PCDHA6: variants seen among roughly 807,000 people sequenced by gnomAD.
PCDHA6 encodes the protein protocadherin alpha-6.
A neutral mutation model predicts 60.3 loss-of-function variants in PCDHA6; 55 were observed. That is an observed-to-expected ratio of 0.91 (90% CI 0.73 to 1.14). The LOEUF (loss-of-function observed/expected upper bound fraction) is 1.14. Among genes scored for constraint, PCDHA6 ranks in the 50% most tolerant of loss-of-function variants. PCDHA6 has a pLI of 0.00. For synonymous variants in PCDHA6, 652 were observed against 557.9 expected (o/e 1.17, Z -2.38); for missense variants, 1,327 against 1,256.5 (o/e 1.06, Z -0.85).
At chr5:140,842,984 G>C in intron 1 of PCDHA6, 2 of 1,595,034 alleles carry the variant, frequency 1.3e-6, no homozygotes. Flanking sequence ...GCAGGTGTTC[G>C]TGCTGGACGA....
At chr5:140,966,796 G>A (rs1255615650) in intron 1 of PCDHA6, 8 of 1,535,610 alleles carry the variant, frequency 5.2e-6, no homozygotes, top group African/African-American at 1.4e-5. Flanking sequence ...GACCTGCGGC[G>A]ACAGAGCATC....
Position 140,835,816 on chromosome 5 carries a change from C to T in PCDHA6, c.2394+5331C>T, listed in dbSNP as rs1554135300. 2.5e-6 allele frequency: 4 copies of T among 1,612,612 alleles called. No homozygotes were observed. The highest frequency in any genetic ancestry group is 2.2e-5 in the East Asian group (1 of 44,834). ...CCGGGCTGCCACATCTTCACTGTGT[C>T]GGCGGGGGACGCGGACGCGCAGAAG... is the stretch of plus-strand genomic sequence containing the variant. On this transcript the variant is annotated intron_variant, in intron 1 of 3. Coordinates refer to ENST00000529310, the MANE Select transcript of PCDHA6 (RefSeq NM_018909.4).
chr5:140,966,047 T>G (rs1463127286), intron 1 of PCDHA6, among the ~76,000 whole-genome samples: 1 of 152,214 alleles, frequency 6.6e-6, no homozygotes, highest in Admixed American at 6.5e-5. Flanking sequence ...CCATCGCCAG[T>G]AACCCCAGAG....
Position 140,855,567 on chromosome 5 carries a change from G to A in PCDHA6, c.2394+25082G>A, listed in dbSNP as rs568752755. Among the ~76,000 whole-genome samples the A allele has an allele frequency of 4.8e-4, 72 of 149,884 alleles. 4 individuals carry two copies. In the South Asian group the frequency reaches 0.014, roughly 30 times the overall value. ...TCAGAACTTAAATGGAACTAAAGTT[G>A]TCATTTAATAAAATATTAGTATACT... On this transcript the variant is annotated intron_variant, in intron 1 of 3. Coordinates refer to ENST00000529310, the MANE Select transcript of PCDHA6 (RefSeq NM_018909.4).
At chr5:140,836,530 T>A (rs2150263016) in intron 1 of PCDHA6, 18 of 1,613,716 alleles carry the variant, frequency 1.1e-5, no homozygotes, top group African/African-American at 4.0e-5. Flanking sequence ...CTTACCCTGC[T>A]GCTGTACACG....
Position 140,835,938 on chromosome 5 carries a change from G to C in PCDHA6, c.2394+5453G>C, listed in dbSNP as rs1298713019. The C allele has an allele frequency of 3.7e-6, 6 of 1,612,516 alleles. No individual in the cohort carries two copies. The South Asian group carries it at 6.6e-5, about 18-fold the overall frequency. On this transcript the variant is annotated intron_variant, in intron 1 of 3. Coordinates refer to ENST00000529310, the MANE Select transcript of PCDHA6 (RefSeq NM_018909.4). The stretch of plus-strand genomic sequence containing the variant: ...GCACGCGGAGAGCGGCAAGGTGTAC[G>C]CGCTGCAGCCGTTGGACCACGAGGA...
intron 1 of PCDHA6, chr5:140,884,510 T>G: frequency 6.2e-7 from 1 of 1,613,982 alleles, no homozygotes; most frequent in Non-Finnish European, 8.5e-7. Flanking sequence ...GGCAGGGAGT[T>G]GGTCGTACTC....
chr5:140,882,891 A>C, intron 1 of PCDHA6: 1 of 1,614,230 alleles, frequency 6.2e-7, no homozygotes, highest in East Asian at 2.2e-5. Flanking sequence ...ATTCAGGAAC[A>C]TAGTTTATTA....
At chr5:140,893,219 G>C (rs1273209081) in intron 1 of PCDHA6, among the ~76,000 whole-genome samples, 1 of 152,194 alleles carries the variant, frequency 6.6e-6, no homozygotes, top group Non-Finnish European at 1.5e-5. Flanking sequence ...GGAGGTGCAG[G>C]TATCACTTTG....
At chr5:140,843,320 G>C in intron 1 of PCDHA6, 2 of 1,596,056 alleles carry the variant, frequency 1.3e-6, no homozygotes, top group Non-Finnish European at 1.7e-6. Context: ...CACGGTTCTG[G>C]TGTCGCTGGT....
intron 1 of PCDHA6, among the ~76,000 whole-genome samples, chr5:140,888,814 T>C (rs1052564071): frequency 6.6e-6 from 1 of 152,126 alleles, no homozygotes; most frequent in Non-Finnish European, 1.5e-5. Context: ...TGATCTGTGA[T>C]CTGTGATCAC....
intron 1 of PCDHA6, chr5:140,966,616 G>A: frequency 1.3e-6 from 1 of 788,372 alleles, no homozygotes; most frequent in South Asian, 2.7e-5. Context: ...AGGGCCTACG[G>A]AGGGAGCGGC....
chr5:140,842,721 A>T lies in PCDHA6; in HGVS notation c.2394+12236A>T, dbSNP rs1554139308. 4 of 1,594,916 alleles carry T rather than the reference A, an allele frequency of 2.5e-6. No individual in the cohort carries two copies. In the South Asian group the frequency reaches 4.4e-5, roughly 18 times the overall value. On this transcript the variant is annotated intron_variant, in intron 1 of 3. Coordinates refer to ENST00000529310, the MANE Select transcript of PCDHA6 (RefSeq NM_018909.4). Reference sequence around the variant, plus strand: ...GAGTACACGGTGTTCGTGAAGGAGAACAACCCGCCGGGCTGCCACATCTTC... The same window carrying T: ...GAGTACACGGTGTTCGTGAAGGAGATCAACCCGCCGGGCTGCCACATCTTC...
chr5:140,890,966 T>C (rs2062882231), intron 1 of PCDHA6, among the ~76,000 whole-genome samples: 1 of 152,206 alleles, frequency 6.6e-6, no homozygotes, highest in African/African-American at 2.4e-5. Flanking sequence ...TCAGGTTTTG[T>C]TTTTCTGAAA....
intron 3 of PCDHA6, among the ~76,000 whole-genome samples, chr5:141,003,622 A>G (rs1554259173): frequency 6.6e-6 from 1 of 152,196 alleles, no homozygotes; most frequent in Non-Finnish European, 1.5e-5. Context: ...CCCAGAGGGC[A>G]GTTTTTAAAG....
intron 1 of PCDHA6, chr5:140,864,637 A>G (rs1554159030): frequency 6.6e-6 from 1 of 152,220 alleles, no homozygotes; most frequent in East Asian, 1.9e-4. Flanking sequence ...AAACAAAACA[A>G]AACAATGTCA....
chr5:140,856,970 G>T (rs2044296852), intron 1 of PCDHA6: 1 of 1,592,058 alleles, frequency 6.3e-7, no homozygotes, highest in Non-Finnish European at 8.6e-7. Flanking sequence ...TGATGCTATT[G>T]ACTTTGAGGA....
intron 1 of PCDHA6, chr5:140,884,458 C>A: frequency 6.2e-7 from 1 of 1,613,736 alleles, no homozygotes; most frequent in Non-Finnish European, 8.5e-7. Flanking sequence ...CCACCGAGGG[C>A]GCGTGCGCGC....
In PCDHA6 at chr5:140,836,909, CTTTTG is replaced by C. The variant is rs2150271100; in HGVS notation, c.2394+6430_2394+6434del. On this transcript the variant is annotated intron_variant, in intron 1 of 3. Coordinates refer to ENST00000529310, the MANE Select transcript of PCDHA6 (RefSeq NM_018909.4). ...TATTTGGAAGTACGTTTAATATACACTTTTGTTTTGGGATGCGTAATACTATAGAT... is the reference window on the plus strand; with the variant it reads ...TATTTGGAAGTACGTTTAATATACACTTTTGGGATGCGTAATACTATAGAT... 186 of 579,744 alleles carry C rather than the reference CTTTTG, an allele frequency of 3.2e-4. 4 individuals carry two copies. The highest frequency in any genetic ancestry group is 1.5e-3 in the South Asian group (53 of 34,270). 35.9% of individuals were successfully genotyped at this position (579,744 alleles called of 1,614,324 possible).
Sources: gnomAD v4.1 joint callset for allele counts (sites outside exome capture counted in the v4.1 genomes callset) on GRCh38, gnomAD v4.1.1 for gene constraint, MANE v1.5 for transcripts, NCBI Gene and HGNC (gene_info 2026-07-23, HGNC 2026-07-21) for gene names.